TXNRD1: variants seen among roughly 807,000 people sequenced by gnomAD.
The protein encoded by TXNRD1 is thioredoxin reductase 1.
In TXNRD1, 57 loss-of-function variants were observed where a neutral mutation model predicts 80.3. The ratio of observed to expected loss-of-function variants is 0.71; its 90% confidence interval spans 0.57 to 0.89. The LOEUF is 0.89. Among genes scored for constraint, TXNRD1 ranks in the 40% least tolerant of loss-of-function variants. TXNRD1 has a pLI of 0.00. For missense variants in TXNRD1, 730 were observed against 803.0 expected, an observed-to-expected ratio of 0.91 and a Z score of 1.10; for synonymous variants, 291 against 285.2, an observed-to-expected ratio of 1.02 and a Z score of -0.20.
intron 4 of TXNRD1, among the ~76,000 whole-genome samples, chr12:104,299,391 T>C (rs1376972968): frequency 6.6e-6 from 1 of 151,782 alleles, no homozygotes; most frequent in Admixed American, 6.6e-5. Context: ...TACAGATATC[T>C]GTCTTATCAT....
At chr12:104,294,037 T>A (rs1429135105) in intron 4 of TXNRD1, among the ~76,000 whole-genome samples, 1 of 152,250 alleles carries the variant, frequency 6.6e-6, no homozygotes, top group Admixed American at 6.5e-5. Flanking sequence ...TTTTCACTAA[T>A]TTACTACTGC....
intron 15 of TXNRD1, among the ~76,000 whole-genome samples, chr12:104,335,593 T>G (rs1199238514): frequency 6.6e-6 from 1 of 152,184 alleles, no homozygotes; most frequent in Non-Finnish European, 1.5e-5. Context: ...AATGAGGGAT[T>G]GGATAATTCA....
In TXNRD1 at chr12:104,303,981, T is replaced by G. The variant is rs772668809; in HGVS notation, c.415-7309T>G. 97 of 1,607,480 alleles carry G rather than the reference T, an allele frequency of 6.0e-5. No individual in the cohort carries two copies. Among genetic ancestry groups the G allele is most frequent in the Non-Finnish European group, 7.6e-6 (9 of 1,179,728 alleles). ...AGGGCCGCGGGCTGCTCCGACGACCTCAGCTCTGGGGAGGCCGACGTAGAC... is the reference window on the plus strand; with the variant it reads ...AGGGCCGCGGGCTGCTCCGACGACCGCAGCTCTGGGGAGGCCGACGTAGAC... On this transcript the variant is annotated intron_variant, in intron 4 of 16. Transcript: ENST00000525566.
intron 2 of TXNRD1, among the ~76,000 whole-genome samples, chr12:104,254,644 A>AAAAAAAAAATATATATATATATATATAC: frequency 2.1e-5 from 2 of 93,650 alleles, no homozygotes; most frequent in African/African-American, 1.0e-4. Flanking sequence ...AAAAAAAAAA[A>AAAAAAAAAATATATATATATATATATAC]ATATATATAT....
intron 3 of TXNRD1, among the ~76,000 whole-genome samples, chr12:104,273,317 G>A (rs886544485): frequency 2.0e-5 from 3 of 152,198 alleles, no homozygotes; most frequent in African/African-American, 4.8e-5. Context: ...GCTCGGGCAG[G>A]GCGGGGTGGC....
intron 3 of TXNRD1, among the ~76,000 whole-genome samples, chr12:104,283,178 T>C (rs2033912001): frequency 1.3e-5 from 2 of 152,184 alleles, no homozygotes; most frequent in African/African-American, 4.8e-5. Context: ...ACTTCACTAT[T>C]CTCCACATAA....
At chr12:104,301,821 G>A (rs1273768110) in intron 4 of TXNRD1, among the ~76,000 whole-genome samples, 1 of 152,132 alleles carries the variant, frequency 6.6e-6, no homozygotes, top group East Asian at 1.9e-4. Context: ...AATGATCCTG[G>A]GTCTCAACTT....
At chr12:104,327,702 C>G (rs1399418584) in intron 13 of TXNRD1, 31 bp downstream of exon 13, 1 of 1,609,296 alleles carries the variant, frequency 6.2e-7, no homozygotes, top group Non-Finnish European at 8.5e-7. Flanking sequence ...CCATTAGATA[C>G]TGTTGTCAGT....
At chr12:104,318,869 C>T (rs1367315093) in intron 7 of TXNRD1, 44 bp from the exon 8 acceptor site, 1 of 1,583,666 alleles carries the variant, frequency 6.3e-7, no homozygotes, top group Non-Finnish European at 8.6e-7. Flanking sequence ...TCTTTGCCAG[C>T]AGTTGAAAAG....
chr12:104,309,147 G>A (rs771713878), intron 4 of TXNRD1, among the ~76,000 whole-genome samples: 6 of 151,982 alleles, frequency 3.9e-5, no homozygotes, highest in South Asian at 2.1e-4. Context: ...CAGCCCTCCC[G>A]CTTCGGCCTC....
chr12:104,326,002 C>T (rs1474071426), intron 11 of TXNRD1, among the ~76,000 whole-genome samples: 5 of 152,104 alleles, frequency 3.3e-5, no homozygotes, highest in Admixed American at 6.6e-5. Context: ...ATTTCTGTCC[C>T]GTGTTCTTTC....
intron 4 of TXNRD1, among the ~76,000 whole-genome samples, chr12:104,308,898 C>CTTTT (rs11484262): frequency 3.1e-5 from 4 of 129,734 alleles, no homozygotes; most frequent in Admixed American, 8.4e-5. Flanking sequence ...AACAATGTTT[C>CTTTT]TTTTTTTTTT....
chr12:104,338,611 C>T (rs1257692563), intron 15 of TXNRD1, among the ~76,000 whole-genome samples: 4 of 147,216 alleles, frequency 2.7e-5, no homozygotes, highest in Admixed American at 2.7e-4. Flanking sequence ...GCAAGAGAAT[C>T]GCTTGAATCC....
chr12:104,314,231 A>G (rs1229786246), intron 6 of TXNRD1, among the ~76,000 whole-genome samples: 3 of 152,214 alleles, frequency 2.0e-5, no homozygotes, highest in African/African-American at 7.2e-5. Context: ...TTTGGACTAA[A>G]TTGGACTAAT....
chr12:104,317,365 C>CTTTTTTTTTT (rs68031758), intron 7 of TXNRD1, among the ~76,000 whole-genome samples: 2 of 116,334 alleles, frequency 1.7e-5, no homozygotes, highest in Non-Finnish European at 3.5e-5. Context: ...TCTGCAGTTA[C>CTTTTTTTTTT]TTTTTTTTTT....
chr12:104,331,762 C>A, intron 14 of TXNRD1, 121 bp downstream of exon 14: 1 of 625,304 alleles, frequency 1.6e-6, no homozygotes, highest in Non-Finnish European at 2.8e-6. Context: ...TATCCAGATT[C>A]ATATATTACT....
At chr12:104,257,881 G>T (rs931245350) in intron 2 of TXNRD1, 138 bp from the exon 3 acceptor site, 6 of 651,288 alleles carry the variant, frequency 9.2e-6, no homozygotes, top group Admixed American at 3.1e-5. Flanking sequence ...GAATCTTATG[G>T]GTTACATAAA....
chr12:104,265,968 A>G, intron 3 of TXNRD1: 1 of 594,512 alleles, frequency 1.7e-6, no homozygotes, highest in Admixed American at 3.4e-5. Flanking sequence ...AAAAAAAAAA[A>G]GAAAAGAAAT....
intron 3 of TXNRD1, chr12:104,284,534 T>C (rs1422276139): frequency 6.6e-6 from 1 of 152,252 alleles, no homozygotes; most frequent in Admixed American, 6.5e-5. Flanking sequence ...ATCAAACACC[T>C]GCATAAATTT....
Sources: gnomAD v4.1 joint callset for allele counts (sites outside exome capture counted in the v4.1 genomes callset) on GRCh38, gnomAD v4.1.1 for gene constraint, MANE v1.5 for transcripts, NCBI Gene and HGNC (gene_info 2026-07-23, HGNC 2026-07-21) for gene names.